Variants in PLA2G1B observed in about 807,000 individuals in gnomAD.
PLA2G1B encodes the protein phospholipase A2.
PLA2G1B carries 12 observed loss-of-function variants against 12.5 expected under a neutral mutation model. The ratio of observed to expected loss-of-function variants is 0.96; its 90% CI spans 0.62 to 1.56. PLA2G1B has a LOEUF of 1.56. Ranked by LOEUF, PLA2G1B falls within the 40% of genes most tolerant of loss-of-function variation. The pLI, the probability that PLA2G1B is intolerant of heterozygous loss-of-function variation, is 0.00. For synonymous variants in PLA2G1B, 81 were observed against 73.4 expected (o/e 1.10, Z -0.53); for missense variants, 189 against 186.7 (o/e 1.01, Z -0.07).
intron 1 of PLA2G1B, among the ~76,000 whole-genome samples, chr12:120,326,614 A>G (rs987013113): frequency 1.5e-4 from 17 of 115,156 alleles, no homozygotes; most frequent in East Asian, 1.4e-3. Context: ...TAATAATAAT[A>G]ATAATAATAA....
At chr12:120,326,154 G>A in intron 1 of PLA2G1B, 134 bp from the exon 2 acceptor site, 1 of 751,276 alleles carries the variant, frequency 1.3e-6, no homozygotes. Context: ...GTTGGACCCA[G>A]GAACCTGGTA....
intron 3 of PLA2G1B, 67 bp from the exon 4 acceptor site, chr12:120,322,384 A>C: frequency 6.8e-7 from 1 of 1,476,516 alleles, no homozygotes; most frequent in South Asian, 1.2e-5. Flanking sequence ...TGGGGCAAGA[A>C]GAATTAACTG....
rs372635953 is a variant in PLA2G1B at position 120,325,880 on chromosome 12, G to A, written c.175C>T (p.Pro59Ser). 2.5e-6 allele frequency: 4 copies of A among 1,613,886 alleles called. No homozygotes were observed. The African/African-American group carries it at 4.0e-5, about 16-fold the overall frequency. ...CYCGLGGSGTPVDELDKCCQT... is the reference protein window; with the variant it reads ...CYCGLGGSGTSVDELDKCCQT... ...ACTTACTTGTCCAGTTCATCCACGG[G>A]GGTGCCTGAGCCCCCCAAGCCACAG... The change falls in exon 2 of 4, where the codon CCC (proline) becomes TCC (serine). Residue 59 changes from proline (P) to serine (S), a missense_variant. Transcript: ENST00000308366.
At position 120,325,972 on chromosome 12, in the gene PLA2G1B, C is replaced by G. The variant is rs776160674; in HGVS notation, c.83G>C (p.Arg28Pro). The G allele has an allele frequency of 1.9e-5, 31 of 1,613,940 alleles. No individual in the cohort carries two copies. The highest frequency in any genetic ancestry group is 2.5e-5 in the Non-Finnish European group (30 of 1,179,986). Reference sequence around the variant, plus strand: ...CGGGATCACGCACTTGATCATTTTGCGGAACTGCCACACGGCCCGAGGGCT... The same window carrying G: ...CGGGATCACGCACTTGATCATTTTGGGGAACTGCCACACGGCCCGAGGGCT... ...GISPRAVWQF[R>P]KMIKCVIPGS... The change falls in exon 2 of 4, where the codon CGC becomes CCC. Residue 28 changes from arginine to proline, a missense_variant. Coordinates refer to ENST00000308366, the MANE Select transcript of PLA2G1B (RefSeq NM_000928.3).
intron 2 of PLA2G1B, 25 bp downstream of exon 2, chr12:120,325,836 A>G (rs1020349631): frequency 4.0e-5 from 65 of 1,611,058 alleles, no homozygotes; most frequent in Middle Eastern, 3.3e-4. Flanking sequence ...AGGCACTCCA[A>G]TTTTCCTGCA....
chr12:120,325,293 T>G (rs1195627795), intron 2 of PLA2G1B, among the ~76,000 whole-genome samples: 1 of 152,024 alleles, frequency 6.6e-6, no homozygotes, highest in Non-Finnish European at 1.5e-5. Context: ...GACACGACCT[T>G]GGCTCACTGA....
Position 120,327,285 on chromosome 12 carries a change from C to A in PLA2G1B, c.34+435G>T, listed in dbSNP as rs1433248090. On this transcript the variant is annotated intron_variant, in intron 1 of 3. Transcript: ENST00000308366. ...ACTCCAGCCTGGGCGACAGAGTGAG[C>A]CCCGTCTCAAAAATAAAATAAAGTA... Among the ~76,000 whole-genome samples the A allele has an allele frequency of 2.0e-5, 3 of 151,274 alleles. No individual in the cohort carries two copies. In the East Asian group the frequency reaches 5.8e-4, roughly 29 times the overall value.
At position 120,322,275 on chromosome 12, in the gene PLA2G1B, C is replaced by T. The variant is rs151139112; in HGVS notation, c.365G>A (p.Arg122His). Residue 122 changes from arginine (R) to histidine (H), a missense_variant, in exon 4 of 4, where the codon CGC becomes CAC. Coordinates refer to ENST00000308366, the MANE Select transcript of PLA2G1B (RefSeq NM_000928.3). The part of the protein sequence containing the change: ...ECEAFICNCD[R>H]NAAICFSKAP... ...TTTTGAAAAGCAGATGGCAGCGTTG[C>T]GGTCGCAGTTGCAAATGAAGGCCTC... is the stretch of plus-strand genomic sequence containing the variant. 1,113 of 1,613,806 alleles carry T rather than the reference C, an allele frequency of 6.9e-4. 10 individuals carry two copies. The African/African-American group carries it at 0.01, about 15-fold the overall frequency.
At chr12:120,322,690 G>GAT (rs1343984610) in intron 3 of PLA2G1B, among the ~76,000 whole-genome samples, 2 of 152,054 alleles carry the variant, frequency 1.3e-5, no homozygotes, top group African/African-American at 4.8e-5. Context: ...GAGTTCAAGT[G>GAT]ATACTCCTGC....
intron 2 of PLA2G1B, 120 bp from the exon 3 acceptor site, chr12:120,325,181 T>G (rs1873316798): frequency 1.1e-6 from 1 of 931,506 alleles, no homozygotes; most frequent in African/African-American, 1.7e-5. Context: ...GGAGAAATGA[T>G]CCTATGGCTT....
At chr12:120,323,835 A>G (rs562383515) in intron 3 of PLA2G1B, among the ~76,000 whole-genome samples, 2 of 152,354 alleles carry the variant, frequency 1.3e-5, no homozygotes, top group African/African-American at 2.4e-5. Flanking sequence ...TGAAAAAGTC[A>G]TAACAAGGTG....
intron 3 of PLA2G1B, among the ~76,000 whole-genome samples, chr12:120,322,529 A>C (rs1331340008): frequency 6.6e-6 from 1 of 152,162 alleles, no homozygotes; most frequent in African/African-American, 2.4e-5. Context: ...TATACCCCCC[A>C]AAAAATTATC....
In PLA2G1B at chr12:120,326,267, TTTC is replaced by T. The variant is rs1216536277; in HGVS notation, c.35-250_35-248del. Among the ~76,000 whole-genome samples, 360 of 149,158 alleles carry T rather than the reference TTTC, an allele frequency of 2.4e-3. 1 individual carries two copies. The highest frequency in any genetic ancestry group is 7.6e-3 in the African/African-American group (310 of 40,860). The stretch of plus-strand genomic sequence containing the variant: ...GTATATATATATATATCTTCTTCTT[TTTC>T]TTCTTCTTCTTCTTCTGGGACCCTA... On this transcript the variant is annotated intron_variant, in intron 1 of 3. Coordinates refer to ENST00000308366, the MANE Select transcript of PLA2G1B (RefSeq NM_000928.3).
rs1435187654 is a variant in PLA2G1B at position 120,327,727 on chromosome 12, C to T, written c.27G>A (p.Leu9=). The T allele has an allele frequency of 6.2e-7, 1 of 1,613,894 alleles. No individual in the cohort carries two copies. The highest frequency in any genetic ancestry group is 1.1e-5 in the South Asian group (1 of 91,078). MKLLVLAV[L]LTVAAADSGI... is the part of the protein sequence containing the mutation. Reference sequence around the variant, plus strand: ...CCGGGGAGACTTGCCTACCTGTGAGCAGCACAGCTAGCACAAGGAGTTTCA... The same window carrying T: ...CCGGGGAGACTTGCCTACCTGTGAGTAGCACAGCTAGCACAAGGAGTTTCA... The change falls in exon 1 of 4, where the codon CTG becomes CTA. Residue 9 remains leucine, a synonymous_variant. Transcript: ENST00000308366.
chr12:120,324,082 C>T (rs1310015804), intron 3 of PLA2G1B, among the ~76,000 whole-genome samples: 1 of 151,982 alleles, frequency 6.6e-6, no homozygotes, highest in Non-Finnish European at 1.5e-5. Context: ...GAGACTGAGG[C>T]AGGCAGATCA....
chr12:120,325,067 A>G lies in PLA2G1B; in HGVS notation c.195-6T>C. Reference sequence around the variant, plus strand: ...TGTCATGTGTCTGGCAGCACCTGGAAAGTGGGAGGGACAGCTGAGATAGGA... The same window carrying G: ...TGTCATGTGTCTGGCAGCACCTGGAGAGTGGGAGGGACAGCTGAGATAGGA... On this transcript the variant is annotated splice_region_variant and splice_polypyrimidine_tract_variant and intron_variant, in intron 2 of 3. Transcript: ENST00000308366. 1 of 1,613,986 alleles carries G rather than the reference A, an allele frequency of 6.2e-7. No individual in the cohort carries two copies. The highest frequency in any genetic ancestry group is 8.5e-7 in the Non-Finnish European group (1 of 1,179,978).
chr12:120,326,344 G>GTTT (rs35592348), intron 1 of PLA2G1B, among the ~76,000 whole-genome samples: 2 of 127,568 alleles, frequency 1.6e-5, no homozygotes, highest in African/African-American at 3.1e-5. Flanking sequence ...AGGCCTGATA[G>GTTT]TTTTTTTTTT....
At position 120,326,076 on chromosome 12, in the gene PLA2G1B, C is replaced by A; in HGVS notation, c.35-56G>T. 5 of 1,578,494 alleles carry A rather than the reference C, an allele frequency of 3.2e-6. No homozygotes were observed. The Admixed American group carries it at 8.4e-5, about 26-fold the overall frequency. ...GGTCTGCCAGCACCCCGGGGACACA[C>A]TGCCTTCCTGCTCCCTCGGGTCCCA... On this transcript the variant is annotated intron_variant, in intron 1 of 3. Transcript: ENST00000308366.
At chr12:120,324,223 G>A (rs533844572) in intron 3 of PLA2G1B, among the ~76,000 whole-genome samples, 25 of 151,906 alleles carry the variant, frequency 1.6e-4, no homozygotes, top group Admixed American at 3.3e-4. Context: ...TTAGGCAGGA[G>A]AATCGCTTGA....
Sources: allele counts gnomAD v4.1 joint callset (sites outside exome capture counted in the v4.1 genomes callset), GRCh38; gene constraint gnomAD v4.1.1; transcripts MANE v1.5; gene names NCBI Gene and HGNC (gene_info 2026-07-23, HGNC 2026-07-21).